The following RAI1 variants were observed in gnomAD, a reference collection of about 807,000 sequenced individuals.
RAI1 encodes the protein retinoic acid induced 1.
A neutral mutation model predicts 123.8 loss-of-function variants in RAI1; 9 were observed. The observed-to-expected ratio is 0.07, with a 90% CI of 0.04 to 0.13. RAI1 has a LOEUF of 0.13. Among genes scored for constraint, RAI1 ranks in the 10% least tolerant of loss-of-function variants. The pLI is 1.00. For synonymous variants in RAI1, 1,231 were observed against 1,127.3 expected, an observed-to-expected ratio of 1.09 and a Z score of -1.84; for missense variants, 2,256 against 2,545.8, an observed-to-expected ratio of 0.89 and a Z score of 2.45.
At chr17:17,778,313 A>G (rs918627048) in intron 2 of RAI1, 5 of 205,426 alleles carry the variant, frequency 2.4e-5, no homozygotes, top group Non-Finnish European at 5.0e-5. Flanking sequence ...AGGCATAGAA[A>G]GTACAAGACT....
chr17:17,723,511 A>T (rs1388203296), intron 1 of RAI1, among the ~76,000 whole-genome samples: 1 of 150,410 alleles, frequency 6.6e-6, no homozygotes, highest in Non-Finnish European at 1.5e-5. Context: ...TTTGACATAC[A>T]CACGCCTGCG....
intron 2 of RAI1, among the ~76,000 whole-genome samples, chr17:17,724,668 G>A (rs1916017799): frequency 6.6e-6 from 1 of 152,176 alleles, no homozygotes; most frequent in South Asian, 2.1e-4. Context: ...GTCCGATCCT[G>A]CTCCGGGCAA....
chr17:17,783,783 G>A (rs555967747), intron 2 of RAI1, among the ~76,000 whole-genome samples: 97 of 152,260 alleles, frequency 6.4e-4, no homozygotes, highest in African/African-American at 2.1e-3. Flanking sequence ...TAGGCGGGGG[G>A]CGGGGGCGGA....
At position 17,797,683 on chromosome 17, in the gene RAI1, T is replaced by C. The variant is rs762221377; in HGVS notation, c.4735T>C (p.Tyr1579His). 52 of 1,613,642 alleles carry C rather than the reference T, an allele frequency of 3.2e-5. No homozygotes were observed. The South Asian group carries it at 5.4e-4, about 17-fold the overall frequency. ...CGCAGAGCCTGAAATCCGCCTCAAGTACATTTCCTCTTGCAAGCGGCTGAG... is the reference window on the plus strand; with the variant it reads ...CGCAGAGCCTGAAATCCGCCTCAAGCACATTTCCTCTTGCAAGCGGCTGAG... ...DPAEPEIRLK[Y>H]ISSCKRLRSD... Residue 1579 changes from tyrosine to histidine, a missense_variant, in exon 3 of 6, where the codon TAC (tyrosine) becomes CAC (histidine). Physicochemically the swap from Tyr to His is moderately conservative, Grantham distance 83 (BLOSUM62 2). Transcript: ENST00000353383.
chr17:17,769,187 G>A (rs2031050822), intron 2 of RAI1, among the ~76,000 whole-genome samples: 1 of 152,246 alleles, frequency 6.6e-6, no homozygotes, highest in Admixed American at 6.5e-5. Flanking sequence ...TTGCTGGCGT[G>A]GTCTCCTCAC....
chr17:17,723,338 G>GCC (rs1915948442), intron 1 of RAI1, among the ~76,000 whole-genome samples: 2 of 69,388 alleles, frequency 2.9e-5, no homozygotes, highest in Non-Finnish European at 6.0e-5. Context: ...CTTGTATCCA[G>GCC]ACCCCCCCCC....
rs2032680369 is a variant in RAI1 at position 17,809,764 on chromosome 17, G to A, written c.5710-206G>A. Among the ~76,000 whole-genome samples the A allele has an allele frequency of 6.6e-6, 1 of 152,244 alleles. No homozygotes were observed. Among genetic ancestry groups the A allele is most frequent in the Admixed American group, 6.5e-5 (1 of 15,302 alleles). ...GGGGCAGGCGGGGGCGCGGGACGGT[G>A]GCACGGAGCTGAAGGCGAAGGTGAA... On this transcript the variant is annotated intron_variant, in intron 5 of 5. Transcript: ENST00000353383. This position sits in a 1 kb window ranked among gnomAD's most constrained non-coding sequence, Gnocchi z 4.9.
intron 1 of RAI1, among the ~76,000 whole-genome samples, chr17:17,694,770 G>GCGGGC (rs1221003727): frequency 6.7e-6 from 1 of 149,900 alleles, no homozygotes; most frequent in African/African-American, 2.4e-5. Flanking sequence ...GCGAGGCGGG[G>GCGGGC]CGGGCCGCTC....
rs753042063 is a variant in RAI1 at position 17,798,397 on chromosome 17, G to A, written c.5449G>A (p.Gly1817Arg). ...CAAGGAGGCTCCGGCAGAGCCCGGCGGGGAGGCCCAGGAGCACTGGGTGCA... is the reference window on the plus strand; with the variant it reads ...CAAGGAGGCTCCGGCAGAGCCCGGCAGGGAGGCCCAGGAGCACTGGGTGCA... Reference protein sequence around the residue: ...CSKEAPAEPGGEAQEHWVHEA... With the variant: ...CSKEAPAEPGREAQEHWVHEA... The change falls in exon 3 of 6, where the codon GGG (glycine) becomes AGG (arginine). Residue 1817 changes from glycine to arginine, a missense_variant. By Grantham distance (125) the Gly-to-Arg change is moderately radical. Around this residue, in one of 7 missense-constraint regions of RAI1, gnomAD observed 243 missense variants for 316.6 expected, o/e 0.77. Coordinates refer to ENST00000353383, the MANE Select transcript of RAI1 (RefSeq NM_030665.4). The A allele has an allele frequency of 4.7e-5, 76 of 1,610,250 alleles. No homozygotes were observed. Among genetic ancestry groups the A allele is most frequent in the Admixed American group, 8.4e-5 (5 of 59,776 alleles).
At chr17:17,741,652 T>C (rs771018279) in intron 2 of RAI1, among the ~76,000 whole-genome samples, 1 of 152,216 alleles carries the variant, frequency 6.6e-6, no homozygotes, top group Non-Finnish European at 1.5e-5. Context: ...GTTCCTGCCT[T>C]TCCCCTCCTG....
intron 4 of RAI1, among the ~76,000 whole-genome samples, chr17:17,804,970 C>G (rs1045304895): frequency 6.6e-6 from 1 of 152,140 alleles, no homozygotes; most frequent in Admixed American, 6.5e-5. Flanking sequence ...TCAAGCGATT[C>G]TCCTGCCTCA....
chr17:17,717,522 G>A (rs1915747854), intron 1 of RAI1, among the ~76,000 whole-genome samples: 1 of 152,090 alleles, frequency 6.6e-6, no homozygotes, highest in Non-Finnish European at 1.5e-5. Context: ...GCACCCTCTG[G>A]TGCCTAACCC....
chr17:17,794,081 G>C lies in RAI1; in HGVS notation c.1133G>C (p.Ser378Thr), dbSNP rs200822410. The C allele has an allele frequency of 1.7e-4, 282 of 1,614,060 alleles. 2 individuals are homozygous for C. The East Asian group carries it at 6.2e-3, about 35-fold the overall frequency. Residue 378 changes from serine (S) to threonine (T), a missense_variant, in exon 3 of 6, where the codon AGC becomes ACC. Coordinates refer to ENST00000353383, the MANE Select transcript of RAI1 (RefSeq NM_030665.4). Reference protein sequence around the residue: ...ENFPYSQQPLSTGAFPAGITD... With the variant: ...ENFPYSQQPLTTGAFPAGITD... ...TTTCCCTACAGCCAGCAGCCGCTCA[G>C]CACCGGGGCCTTCCCCGCAGGGATC...
Position 17,794,256 on chromosome 17 carries a change from G to A in RAI1, c.1308G>A (p.Thr436=), listed in dbSNP as rs759550630. ...LLSDLSLQSL[T]ALTSQVENIS... The stretch of plus-strand genomic sequence containing the variant: ...CGGATCTCAGCCTGCAGAGCCTCAC[G>A]GCGCTGACCTCACAGGTGGAGAACA... The change falls in exon 3 of 6, where the codon ACG becomes ACA. Residue 436 remains threonine (T), a synonymous_variant. Transcript: ENST00000353383. The A allele has an allele frequency of 2.0e-5, 33 of 1,613,174 alleles. No homozygotes were observed. The highest frequency in any genetic ancestry group is 1.6e-4 in the Middle Eastern group (1 of 6,084).
Position 17,688,519 on chromosome 17 carries a change from C to T in RAI1, c.-149+6726C>T, listed in dbSNP as rs1041457039. ...TAAATAAACAAAATGAGGATAGTAA[C>T]AGGCCCCTCCTGGTTGCTGCTGCAC... On this transcript the variant is annotated intron_variant, in intron 1 of 5. Transcript: ENST00000353383. 2.6e-5 allele frequency among the ~76,000 whole-genome samples: 4 copies of T among 152,174 alleles called. No homozygotes were observed. The South Asian group carries it at 6.2e-4, about 24-fold the overall frequency.
intron 2 of RAI1, among the ~76,000 whole-genome samples, chr17:17,776,119 C>T (rs1227611861): frequency 6.6e-6 from 1 of 152,204 alleles, no homozygotes; most frequent in Non-Finnish European, 1.5e-5. Context: ...TTGCGCATTG[C>T]AGGACGCAGG....
chr17:17,710,811 G>C (rs1250117900), intron 1 of RAI1, among the ~76,000 whole-genome samples: 1 of 152,238 alleles, frequency 6.6e-6, no homozygotes, highest in African/African-American at 2.4e-5. Flanking sequence ...GACCTTTGGG[G>C]CCATTTTTTC....
In RAI1 at chr17:17,706,459, G is replaced by A. The variant is rs576347151; in HGVS notation, c.-148-17569G>A. ...AGACCAGGTAGGCAGCTGGGCCAAG[G>A]ATCCAGGTGGACAAGGGCTGGCATG... On this transcript the variant is annotated intron_variant, in intron 1 of 5. Transcript: ENST00000353383. 2.0e-5 allele frequency among the ~76,000 whole-genome samples: 3 copies of A among 152,336 alleles called. No individual in the cohort carries two copies. The South Asian group carries it at 6.2e-4, about 32-fold the overall frequency.
chr17:17,745,836 G>T (rs1567867611), intron 2 of RAI1, among the ~76,000 whole-genome samples: 1 of 152,248 alleles, frequency 6.6e-6, no homozygotes, highest in Non-Finnish European at 1.5e-5. Flanking sequence ...CAGGGACGGT[G>T]GCCAGCGGGT....
Sources: allele counts gnomAD v4.1 joint callset (sites outside exome capture counted in the v4.1 genomes callset), GRCh38; gene constraint gnomAD v4.1.1; regional missense constraint gnomAD v4.1.1; non-coding constraint Gnocchi (gnomAD v3.1); transcripts MANE v1.5; gene names NCBI Gene and HGNC (gene_info 2026-07-23, HGNC 2026-07-21).